Variants in WWOX observed in about 807,000 individuals in gnomAD.
WWOX encodes the protein WW domain-containing oxidoreductase.
WWOX carries 69 observed loss-of-function variants against 46.2 expected under a neutral mutation model. That is an observed-to-expected ratio of 1.49 (90% confidence interval 1.23 to 1.82). WWOX has a LOEUF of 1.82. Among genes scored for constraint, WWOX ranks in the 40% most tolerant of loss-of-function variants. WWOX has a pLI of 0.00. For missense variants in WWOX, 919 were observed against 542.6 expected, an observed-to-expected ratio of 1.69 and a Z score of -6.89; for synonymous variants, 359 against 202.6, an observed-to-expected ratio of 1.77 and a Z score of -6.56.
chr16:79,036,927 C>G (rs745842128), intron 8 of WWOX, among the ~76,000 whole-genome samples: 1 of 152,112 alleles, frequency 6.6e-6, no homozygotes, highest in Non-Finnish European at 1.5e-5. Flanking sequence ...TCTGAAGATA[C>G]GTATTTCTCA....
At chr16:78,148,272 C>G (rs1252262151) in intron 4 of WWOX, among the ~76,000 whole-genome samples, 1 of 152,106 alleles carries the variant, frequency 6.6e-6, no homozygotes, top group Non-Finnish European at 1.5e-5. Context: ...CAGAATTATA[C>G]GAAGTGAGAC....
At chr16:79,126,099 G>C (rs866013601) in intron 8 of WWOX, among the ~76,000 whole-genome samples, 1 of 152,126 alleles carries the variant, frequency 6.6e-6, no homozygotes, top group African/African-American at 2.4e-5. Flanking sequence ...ATGTGCCCTG[G>C]AGTTTCACAG....
chr16:78,885,192 C>G (rs547777858), intron 8 of WWOX, among the ~76,000 whole-genome samples: 2 of 127,720 alleles, frequency 1.6e-5, no homozygotes, highest in East Asian at 4.5e-4. Context: ...TCACTCTCTA[C>G]TTTTTTTTTT....
intron 8 of WWOX, among the ~76,000 whole-genome samples, chr16:78,540,389 G>T (rs558453557): frequency 2.6e-4 from 39 of 152,040 alleles, no homozygotes; most frequent in Non-Finnish European, 4.1e-4. Flanking sequence ...TTTTCCCCTT[G>T]CATGTTGCGT....
At chr16:78,329,028 A>AT (rs989462398) in intron 5 of WWOX, among the ~76,000 whole-genome samples, 4 of 151,580 alleles carry the variant, frequency 2.6e-5, no homozygotes, top group Admixed American at 1.3e-4. Context: ...TGACAGGCTG[A>AT]TTTTCTTTTT....
intron 8 of WWOX, among the ~76,000 whole-genome samples, chr16:78,599,297 G>T (rs925632329): frequency 5.3e-5 from 8 of 152,266 alleles, no homozygotes; most frequent in African/African-American, 1.9e-4. Context: ...TCTCTCAGGG[G>T]CTTTAAATTA....
intron 8 of WWOX, among the ~76,000 whole-genome samples, chr16:78,976,784 A>G (rs536643383): frequency 1.3e-5 from 2 of 152,286 alleles, no homozygotes; most frequent in African/African-American, 4.8e-5. Flanking sequence ...TACTTTTTCC[A>G]TGAGGCAGAT....
intron 8 of WWOX, among the ~76,000 whole-genome samples, chr16:78,713,782 C>T (rs1289717230): frequency 6.6e-6 from 1 of 152,136 alleles, no homozygotes; most frequent in Non-Finnish European, 1.5e-5. Flanking sequence ...TTGTTTAAGC[C>T]ACCTAGTCTG....
chr16:78,366,968 CATTTTTTTT>C (rs1567528550), intron 5 of WWOX, among the ~76,000 whole-genome samples: 1 of 91,090 alleles, frequency 1.1e-5, no homozygotes, highest in Non-Finnish European at 2.1e-5. Context: ...ACAAAAGTTA[CATTTTTTTT>C]TTTTTTTTTT....
At chr16:78,957,538 C>T (rs141407733) in intron 8 of WWOX, among the ~76,000 whole-genome samples, 1 of 152,282 alleles carries the variant, frequency 6.6e-6, no homozygotes, top group Non-Finnish European at 1.5e-5. Flanking sequence ...TCTACTGCTG[C>T]ACACCTTTAA....
intron 8 of WWOX, among the ~76,000 whole-genome samples, chr16:79,075,156 A>G (rs188589970): frequency 4.7e-4 from 71 of 152,336 alleles, no homozygotes; most frequent in Admixed American, 3.6e-3. Context: ...CAACTGAATT[A>G]GAATCTCTGG....
chr16:78,795,494 C>G (rs1284840753), intron 8 of WWOX, among the ~76,000 whole-genome samples: 2 of 121,828 alleles, frequency 1.6e-5, no homozygotes, highest in Admixed American at 7.8e-5. Context: ...ACAAGATCCT[C>G]TACATCAAAC....
chr16:78,899,321 T>C (rs760102244), intron 8 of WWOX: 42 of 152,216 alleles, frequency 2.8e-4, no homozygotes, highest in Non-Finnish European at 4.9e-4. Context: ...ACTATCTGCA[T>C]ATTAGAGGGA....
chr16:78,711,123 C>G (rs1454358712), intron 8 of WWOX, among the ~76,000 whole-genome samples: 6 of 152,182 alleles, frequency 3.9e-5, no homozygotes, highest in East Asian at 1.9e-4. Context: ...AGCCTGCTGG[C>G]TAAATTAGGT....
At chr16:79,040,221 C>G (rs933246064) in intron 8 of WWOX, among the ~76,000 whole-genome samples, 1 of 151,244 alleles carries the variant, frequency 6.6e-6, no homozygotes, top group Non-Finnish European at 1.5e-5. Context: ...CTTTGAACCT[C>G]AAAGAGCCAA....
chr16:78,615,605 A>G (rs747058008), intron 8 of WWOX, among the ~76,000 whole-genome samples: 2 of 152,012 alleles, frequency 1.3e-5, no homozygotes, highest in Non-Finnish European at 2.9e-5. Flanking sequence ...TGCTGCAGCT[A>G]TGTTCGCACC....
chr16:78,694,278 G>A (rs894887543), intron 8 of WWOX, among the ~76,000 whole-genome samples: 1 of 152,250 alleles, frequency 6.6e-6, no homozygotes, highest in African/African-American at 2.4e-5. Flanking sequence ...TCGGGTCAAA[G>A]CGATCCCCCC....
At chr16:78,896,453 C>T (rs150360659) in intron 8 of WWOX, 1 of 152,152 alleles carries the variant, frequency 6.6e-6, no homozygotes, top group Non-Finnish European at 1.5e-5. Flanking sequence ...ACACCGCAAA[C>T]TTGTGAGGCC....
chr16:78,611,634 G>A (rs554383693), intron 8 of WWOX, among the ~76,000 whole-genome samples: 2 of 152,302 alleles, frequency 1.3e-5, no homozygotes, highest in South Asian at 4.1e-4. Flanking sequence ...ATGATAGTTA[G>A]ATGCTGCGTT....
Sources: gnomAD v4.1 joint callset for allele counts (sites outside exome capture counted in the v4.1 genomes callset) on GRCh38, gnomAD v4.1.1 for gene constraint, MANE v1.5 for transcripts, NCBI Gene and HGNC (gene_info 2026-07-23, HGNC 2026-07-21) for gene names.